Variants in PXDN observed in about 807,000 individuals in gnomAD.
PXDN encodes the protein peroxidasin, also known as peroxidasin homolog.
In PXDN, 77 loss-of-function variants were observed where a neutral mutation model predicts 140.3. That is an observed-to-expected ratio of 0.55 (90% CI 0.46 to 0.66). PXDN has a LOEUF of 0.66. Among genes scored for constraint, PXDN ranks in the 30% least tolerant of loss-of-function variants. PXDN has a pLI of 0.00. For missense variants in PXDN, 1,838 were observed against 2,039.5 expected, an observed-to-expected ratio of 0.90 and a Z score of 1.90; for synonymous variants, 911 against 857.4, an observed-to-expected ratio of 1.06 and a Z score of -1.09.
At chr2:1,642,272 G>C (rs35893474) in intron 19 of PXDN, among the ~76,000 whole-genome samples, 136,275 of 152,214 alleles carry the variant, frequency 0.9, 61,081 homozygotes, top group East Asian at 1. Context: ...CACAGACACA[G>C]AGGCACGCAC....
intron 1 of PXDN, among the ~76,000 whole-genome samples, chr2:1,729,037 G>C (rs972778362): frequency 1.1e-4 from 17 of 152,052 alleles, no homozygotes; most frequent in Non-Finnish European, 2.2e-4. Context: ...TGCGGGGCCC[G>C]GTGTGACTAT....
At chr2:1,655,036 C>CCA (rs1003520961) in intron 14 of PXDN, among the ~76,000 whole-genome samples, 1 of 151,416 alleles carries the variant, frequency 6.6e-6, no homozygotes, top group Non-Finnish European at 1.5e-5. Context: ...ACACCACACA[C>CCA]CACACACACA....
chr2:1,715,013 C>T (rs1684863265), intron 1 of PXDN, among the ~76,000 whole-genome samples: 2 of 152,010 alleles, frequency 1.3e-5, no homozygotes, highest in Non-Finnish European at 2.9e-5. Context: ...CCATCCCCGG[C>T]TTACAAATAA....
At chr2:1,730,463 A>C (rs936550649) in intron 1 of PXDN, among the ~76,000 whole-genome samples, 6 of 152,142 alleles carry the variant, frequency 3.9e-5, no homozygotes, top group African/African-American at 1.4e-4. Flanking sequence ...CAACTTTCCA[A>C]AGCTCTTACA....
Position 1,668,972 on chromosome 2 carries a change from T to C in PXDN, c.1019-2486A>G, listed in dbSNP as rs1001610077. 4.6e-5 allele frequency among the ~76,000 whole-genome samples: 7 copies of C among 152,180 alleles called. No homozygotes were observed. In the South Asian group the frequency reaches 1.4e-3, roughly 32 times the overall value. On this transcript the variant is annotated intron_variant, in intron 9 of 22. Transcript: ENST00000252804. ...GGGTATATACCCAAAGGATTATAAG[T>C]CATACTACTATAAAGACACATGCAC...
At position 1,660,244 on chromosome 2, in the gene PXDN, G is replaced by C. The variant is rs1465705905; in HGVS notation, c.1837+637C>G. ...ATCATGGGGTCTGTGGGTTGAGAAA[G>C]AGGGGCCAGAGTGACCCGGGCCTCT... is the stretch of plus-strand genomic sequence containing the variant. On this transcript the variant is annotated intron_variant, in intron 14 of 22. Coordinates refer to ENST00000252804, the MANE Select transcript of PXDN (RefSeq NM_012293.3). This position sits in a 1 kb window ranked among gnomAD's most constrained non-coding sequence, Gnocchi z 4.6. Among the ~76,000 whole-genome samples, 1 of 152,166 alleles carries C rather than the reference G, an allele frequency of 6.6e-6. No homozygotes were observed. The highest frequency in any genetic ancestry group is 1.5e-5 in the Non-Finnish European group (1 of 68,032).
In PXDN at chr2:1,639,271, G is replaced by C. The variant is rs571211372; in HGVS notation, c.4073+31C>G. ...ACGCCCGCGGTGCGAGGGCCCCTCT[G>C]CACATCATTTGACCTCAGAGACCAC... On this transcript the variant is annotated intron_variant, in intron 20 of 22. Coordinates refer to ENST00000252804, the MANE Select transcript of PXDN (RefSeq NM_012293.3). The surrounding 1 kb of genome is among the most constrained non-coding windows in gnomAD (Gnocchi z 5.0). 17 of 1,599,964 alleles carry C rather than the reference G, an allele frequency of 1.1e-5. No individual in the cohort carries two copies. The African/African-American group carries it at 2.1e-4, about 20-fold the overall frequency.
chr2:1,695,330 G>A (rs942811744), intron 1 of PXDN, among the ~76,000 whole-genome samples: 34 of 151,236 alleles, frequency 2.2e-4, no homozygotes, highest in Non-Finnish European at 4.3e-4. Flanking sequence ...ACAGAGAGGT[G>A]CTGTCCCATC....
chr2:1,696,126 G>A (rs951337233), intron 1 of PXDN, among the ~76,000 whole-genome samples: 4 of 152,188 alleles, frequency 2.6e-5, no homozygotes, highest in Non-Finnish European at 5.9e-5. Context: ...ATATATCTTC[G>A]ATAAAATTTT....
intron 1 of PXDN, among the ~76,000 whole-genome samples, chr2:1,738,428 T>C (rs77088014): frequency 0.016 from 2,470 of 152,270 alleles, 61 homozygotes; most frequent in African/African-American, 0.056. Context: ...ACTGCATGCA[T>C]TTGCATCTAT....
At chr2:1,652,090 T>TCTAA (rs965179224) in intron 16 of PXDN, among the ~76,000 whole-genome samples, 2 of 152,074 alleles carry the variant, frequency 1.3e-5, no homozygotes, top group African/African-American at 4.8e-5. Context: ...TTTCCCTGAG[T>TCTAA]CTAAATCTTT....
chr2:1,687,704 C>T lies in PXDN; in HGVS notation c.345-1G>A. ...CTGGATCTCATTCTTGTACAGATAG[C>T]TGAAACAAGAAACATTGGGGAGCAT... On this transcript the variant is annotated splice_acceptor_variant, in intron 3 of 22. Transcript: ENST00000252804. LOFTEE classifies it high-confidence loss of function. The surrounding 1 kb of genome is among the most constrained non-coding windows in gnomAD (Gnocchi z 4.0). 6.6e-7 allele frequency: 1 copy of T among 1,511,646 alleles called. No individual in the cohort carries two copies. The highest frequency in any genetic ancestry group is 9.2e-7 in the Non-Finnish European group (1 of 1,092,176). The allele number at this position is 1,511,646 out of a possible 1,614,324, so 93.6% of individuals were successfully genotyped here. A position where few individuals can be genotyped will look rare whatever the true frequency, so the allele number is the denominator to read the frequency against.
intron 1 of PXDN, among the ~76,000 whole-genome samples, chr2:1,719,876 AAGAG>A (rs1216803917): frequency 0.021 from 1,655 of 78,498 alleles, 144 homozygotes; most frequent in African/African-American, 0.086. Flanking sequence ...GTGTGTGTGA[AAGAG>A]AGAGAGGGAG....
At chr2:1,663,463 G>T in intron 12 of PXDN, 142 bp downstream of exon 12, 1 of 1,154,460 alleles carries the variant, frequency 8.7e-7, no homozygotes, top group Non-Finnish European at 1.2e-6. Context: ...GGGGGCACAA[G>T]CACAATGACG....
chr2:1,636,101 C>T (rs923105576), intron 21 of PXDN: 1 of 208,318 alleles, frequency 4.8e-6, no homozygotes, highest in Admixed American at 5.3e-5. Flanking sequence ...GAAGAGGCCA[C>T]CCACAGTACA....
intron 1 of PXDN, among the ~76,000 whole-genome samples, chr2:1,718,458 C>A (rs1421487178): frequency 3.3e-5 from 5 of 152,140 alleles, no homozygotes; most frequent in African/African-American, 1.2e-4. Context: ...AACTTACCAC[C>A]CAAACCTACT....
chr2:1,720,685 T>TTCTCTCTGCATCTCTTTC (rs1558526182), intron 1 of PXDN, among the ~76,000 whole-genome samples: 2 of 37,998 alleles, frequency 5.3e-5, no homozygotes, highest in Admixed American at 3.0e-4. Context: ...CTGCATCTCT[T>TTCTCTCTGCATCTCTTTC]TCTCTCTCTC....
In PXDN at chr2:1,644,718, G is replaced by C; in HGVS notation, c.3643C>G (p.Pro1215Ala). The C allele has an allele frequency of 2.5e-6, 4 of 1,593,922 alleles. No homozygotes were observed. The highest frequency in any genetic ancestry group is 3.4e-6 in the Non-Finnish European group (4 of 1,167,336). ...YGSTLNIDLF[P>A]ALVVEDLVPG... ...ACCAGGTCCTCCACCACGAGCGCCG[G>C]AAACAGGTCGATGTTGAGTGTCGAG... The change falls in exon 18 of 23, where the codon CCG (proline) becomes GCG (alanine). Residue 1215 changes from proline (P) to alanine (A), a missense_variant. Physicochemically the swap from Pro to Ala is conservative, Grantham distance 27 (BLOSUM62 -1). Transcript: ENST00000252804.
chr2:1,705,919 C>G (rs1340783091), intron 1 of PXDN, among the ~76,000 whole-genome samples: 2 of 152,118 alleles, frequency 1.3e-5, no homozygotes, highest in South Asian at 2.1e-4. Context: ...GAGTGTGGGG[C>G]TACAAGGAGC....
Sources: gnomAD v4.1 joint callset for allele counts (sites outside exome capture counted in the v4.1 genomes callset) on GRCh38, gnomAD v4.1.1 for gene constraint, Gnocchi (gnomAD v3.1) non-coding constraint, MANE v1.5 for transcripts, NCBI Gene and HGNC (gene_info 2026-07-23, HGNC 2026-07-21) for gene names.